Variants in ABCA9 observed in about 807,000 individuals in gnomAD.
ABCA9 encodes ATP binding cassette subfamily A member 9, also known as ATP-binding cassette sub-family A member 9.
Under a neutral mutation model 205.3 loss-of-function variants are expected in ABCA9, and 183 were observed. The observed-to-expected ratio is 0.89, with a 90% CI of 0.79 to 1.01. The LOEUF (loss-of-function observed/expected upper bound fraction) is 1.01, where lower values mean the gene tolerates loss of function less well. Ranked by LOEUF, ABCA9 falls within the 50% of genes least tolerant of loss-of-function variation. ABCA9 has a pLI of 0.00. For synonymous variants in ABCA9, 651 were observed against 683.3 expected (o/e 0.95, Z 0.74); for missense variants, 1,805 against 1,912.4 (o/e 0.94, Z 1.05).
chr17:69,064,781 T>TA (rs2072329013), upstream of ABCA9, among the ~76,000 whole-genome samples: 1 of 152,232 alleles, frequency 6.6e-6, no homozygotes, highest in Admixed American at 6.5e-5. Flanking sequence ...GTCTGATTAA[T>TA]AAAAAATAGT....
At chr17:69,061,657 T>C (rs558922895), upstream of ABCA9, among the ~76,000 whole-genome samples, 179 of 152,330 alleles carry the variant, frequency 1.2e-3, no homozygotes, top group Middle Eastern at 3.4e-3. Context: ...ACAAACTACT[T>C]TCTCCACCAG....
Position 69,021,869 on chromosome 17 carries a change from T to C in ABCA9, c.2282-8A>G. 1 of 1,437,314 alleles carries C rather than the reference T, an allele frequency of 7.0e-7. No individual in the cohort carries two copies. The highest frequency in any genetic ancestry group is 1.8e-4 in the Middle Eastern group (1 of 5,488). 89.0% of individuals were successfully genotyped at this position (1,437,314 alleles called of 1,614,324 possible). On this transcript the variant is annotated splice_region_variant and splice_polypyrimidine_tract_variant and intron_variant, in intron 17 of 38. Coordinates refer to ENST00000340001, the MANE Select transcript of ABCA9 (RefSeq NM_080283.4). ...CAAGATCCCTGTAAAGTTCTAAAAGTGGATACAAAAACAGATTATAAGAAT... is the reference window on the plus strand; with the variant it reads ...CAAGATCCCTGTAAAGTTCTAAAAGCGGATACAAAAACAGATTATAAGAAT...
intron 6 of ABCA9, among the ~76,000 whole-genome samples, chr17:69,038,150 T>C (rs1006421467): frequency 6.6e-6 from 1 of 152,094 alleles, no homozygotes; most frequent in Admixed American, 6.5e-5. Context: ...AAAGGGGAGC[T>C]GGTACCATTC....
intron 37 of ABCA9, among the ~76,000 whole-genome samples, chr17:68,978,963 A>T (rs2143923081): frequency 6.6e-6 from 1 of 152,200 alleles, no homozygotes; most frequent in Non-Finnish European, 1.5e-5. Flanking sequence ...AAGGAAATAA[A>T]GGGTATTCAA....
chr17:69,062,424 A>G (rs528922101), upstream of ABCA9, among the ~76,000 whole-genome samples: 28 of 152,150 alleles, frequency 1.8e-4, no homozygotes, highest in African/African-American at 5.8e-4. Context: ...CCACACTGTA[A>G]TCTCTGTGGC....
Position 69,016,251 on chromosome 17 carries a change from A to G in ABCA9, c.3039+2T>C. 6.4e-7 allele frequency: 1 copy of G among 1,570,008 alleles called. No homozygotes were observed. Among genetic ancestry groups the G allele is most frequent in the South Asian group, 1.2e-5 (1 of 83,334 alleles). ...GTATAAATGAGATATAATTATACTT[A>G]CTTCAAAAAATGTGCTTCTGTCAGT... is the stretch of plus-strand genomic sequence containing the variant. On this transcript the variant is annotated splice_donor_variant, in intron 22 of 38. Transcript: ENST00000340001. LOFTEE classifies it high-confidence loss of function.
chr17:69,051,063 T>C lies in ABCA9; in HGVS notation c.64A>G (p.Lys22Glu), dbSNP rs1212123591. The C allele has an allele frequency of 2.5e-6, 4 of 1,613,774 alleles. No individual in the cohort carries two copies. Among genetic ancestry groups the C allele is most frequent in the Non-Finnish European group, 3.4e-6 (4 of 1,179,838 alleles). The part of the protein sequence containing the change: ...TWALLCKNCL[K>E]KWRMKRQTLL... The stretch of plus-strand genomic sequence containing the variant: ...GTCTGTCTTTTCATTCTCCATTTTT[T>C]GAGACAGTTCTTGCAGAGAAGAGCC... Residue 22 changes from lysine (K) to glutamate (E), a missense_variant, in exon 2 of 39, where the codon AAA becomes GAA. Coordinates refer to ENST00000340001, the MANE Select transcript of ABCA9 (RefSeq NM_080283.4).
Position 68,994,096 on chromosome 17 carries a change from G to A in ABCA9, c.3556-1012C>T, listed in dbSNP as rs59765948. On this transcript the variant is annotated intron_variant, in intron 26 of 38. Transcript: ENST00000340001. ...TCACCATGTTGGCCAGGCTGGTCTC[G>A]AACTCCAGACCTCAGGTGATTCACC... 2.9e-3 allele frequency among the ~76,000 whole-genome samples: 437 copies of A among 152,208 alleles called. 9 individuals are homozygous for A. In the East Asian group the frequency reaches 0.058, roughly 20 times the overall value.
Position 69,017,688 on chromosome 17 carries a change from T to G in ABCA9, c.2869A>C (p.Asn957His), listed in dbSNP as rs2070668882. 3.1e-6 allele frequency: 5 copies of G among 1,613,386 alleles called. No homozygotes were observed. Among genetic ancestry groups the G allele is most frequent in the Non-Finnish European group, 4.2e-6 (5 of 1,179,456 alleles). ...TRNGTDDPSY[N>H]GAIIVSGDEK... The stretch of plus-strand genomic sequence containing the variant: ...TCACCTGACACAATGATAGCACCAT[T>G]GTAAGATGGGTCATCTGTGCCATTT... Residue 957 changes from asparagine (N) to histidine (H), a missense_variant, in exon 21 of 39, where the codon AAT becomes CAT. Coordinates refer to ENST00000340001, the MANE Select transcript of ABCA9 (RefSeq NM_080283.4).
chr17:68,988,072 C>A (rs1045676491), intron 31 of ABCA9, among the ~76,000 whole-genome samples: 7 of 152,154 alleles, frequency 4.6e-5, no homozygotes, highest in Admixed American at 1.3e-4. Flanking sequence ...ACCTCATTTG[C>A]ATTTTTAAGG....
chr17:69,004,760 C>G (rs1366769809), intron 25 of ABCA9: 1 of 142,812 alleles, frequency 7.0e-6, no homozygotes, highest in South Asian at 2.0e-4. Context: ...TAGCAATCAG[C>G]GAGACTCCGT....
At chr17:69,061,275 T>A, upstream of ABCA9, 1 of 452,124 alleles carries the variant, frequency 2.2e-6, no homozygotes, top group Non-Finnish European at 2.9e-6. Flanking sequence ...CAAAGATAAG[T>A]AAGAAGCCAA....
chr17:68,996,556 T>C (rs2069630467), intron 25 of ABCA9, among the ~76,000 whole-genome samples: 1 of 152,210 alleles, frequency 6.6e-6, no homozygotes, highest in African/African-American at 2.4e-5. Context: ...CAGGTTAAAA[T>C]TTATGTGCAC....
intron 18 of ABCA9, 64 bp downstream of exon 18, chr17:69,021,678 G>GGCCT: frequency 9.5e-7 from 1 of 1,048,354 alleles, no homozygotes; most frequent in Admixed American, 2.4e-5. Context: ...TCTTTCTTTC[G>GGCCT]TCCTTCCTTC....
At chr17:69,002,395 G>T (rs2144124752) in intron 25 of ABCA9, among the ~76,000 whole-genome samples, 1 of 121,080 alleles carries the variant, frequency 8.3e-6, no homozygotes, top group Non-Finnish European at 1.7e-5. Context: ...TCATTCAGGA[G>T]CAGGTTGTTC....
Position 69,051,158 on chromosome 17 carries a change from A to T in ABCA9, c.-13-19T>A. On this transcript the variant is annotated intron_variant, in intron 1 of 38. Transcript: ENST00000340001. ...CTGTTTCCTTTAAAAAGACAGAAAA[A>T]AAATGAAGTACATGTGAAGGTCTAA... is the stretch of plus-strand genomic sequence containing the variant. The T allele has an allele frequency of 6.2e-7, 1 of 1,609,130 alleles. No homozygotes were observed.
intron 22 of ABCA9, among the ~76,000 whole-genome samples, chr17:69,014,065 T>C (rs376233397): frequency 2.6e-5 from 4 of 152,312 alleles, no homozygotes; most frequent in East Asian, 3.9e-4. Flanking sequence ...ATCCAGATAA[T>C]TGGCTAGCCT....
chr17:69,050,732 G>A (rs549276841), intron 2 of ABCA9, among the ~76,000 whole-genome samples: 3 of 151,880 alleles, frequency 2.0e-5, no homozygotes, highest in South Asian at 2.1e-4. Flanking sequence ...TGAGCTCAGC[G>A]GTTAAGAATT....
Position 68,990,911 on chromosome 17 carries a change from C to G in ABCA9, c.3763G>C (p.Glu1255Gln). The G allele has an allele frequency of 1.2e-6, 2 of 1,613,988 alleles. No homozygotes were observed. The highest frequency in any genetic ancestry group is 1.7e-6 in the Non-Finnish European group (2 of 1,179,940). Residue 1255 changes from glutamate to glutamine, a missense_variant, in exon 29 of 39, where the codon GAA (glutamate) becomes CAA (glutamine). Physicochemically the swap from Glu to Gln is conservative, Grantham distance 29. Coordinates refer to ENST00000340001, the MANE Select transcript of ABCA9 (RefSeq NM_080283.4). ...NAIFPNPEEP[E>Q]GEEEDIQMER... is the part of the protein sequence containing the mutation. ...ATCTGGATATCTTCCTCCTCTCCTT[C>G]AGGCTCTTCTGGGTTTGGAAAAATA... is the stretch of plus-strand genomic sequence containing the variant.
Sources: allele counts gnomAD v4.1 joint callset (sites outside exome capture counted in the v4.1 genomes callset), GRCh38; gene constraint gnomAD v4.1.1; transcripts MANE v1.5; gene names NCBI Gene and HGNC (gene_info 2026-07-23, HGNC 2026-07-21).